Variants in CNOT2 observed in about 807,000 individuals in gnomAD.
CNOT2 encodes the protein CCR4-NOT transcription complex subunit 2, also known as CC chemokine receptor 4-negative regulator of transcription 2.
Under a neutral mutation model 72.1 loss-of-function variants are expected in CNOT2, and 7 were observed. The ratio of observed to expected loss-of-function variants is 0.10; its 90% confidence interval spans 0.06 to 0.18. The LOEUF (loss-of-function observed/expected upper bound fraction) is 0.18. Among genes scored for constraint, CNOT2 ranks in the 10% least tolerant of loss-of-function variants. The pLI, the probability that CNOT2 is intolerant of heterozygous loss-of-function variation, is 1.00. For synonymous variants in CNOT2, 196 were observed against 225.6 expected (o/e 0.87, Z 1.17); for missense variants, 345 against 660.3 (o/e 0.52, Z 5.23).
intron 15 of CNOT2, among the ~76,000 whole-genome samples, chr12:70,347,000 C>G (rs1741720014): frequency 6.6e-6 from 1 of 152,020 alleles, no homozygotes; most frequent in African/African-American, 2.4e-5. Context: ...TTATTCTCTA[C>G]ATGTGGAGAG....
At chr12:70,274,462 C>T (rs1441672984) in intron 1 of CNOT2, among the ~76,000 whole-genome samples, 1 of 152,012 alleles carries the variant, frequency 6.6e-6, no homozygotes, top group African/African-American at 2.4e-5. Context: ...GCTGGTTCAG[C>T]TGTCTTAACC....
intron 15 of CNOT2, among the ~76,000 whole-genome samples, chr12:70,350,052 A>G (rs186845774): frequency 1.3e-5 from 2 of 151,478 alleles, no homozygotes; most frequent in African/African-American, 2.4e-5. Flanking sequence ...TTCCTTTTAT[A>G]TACTCATTAA....
At chr12:70,275,218 A>G (rs923184374) in intron 1 of CNOT2, among the ~76,000 whole-genome samples, 2 of 152,008 alleles carry the variant, frequency 1.3e-5, no homozygotes, top group Admixed American at 6.5e-5. Flanking sequence ...ATTGTTTCTG[A>G]TGAGAAGTCT....
chr12:70,294,148 G>T, intron 2 of CNOT2: 1 of 1,289,328 alleles, frequency 7.8e-7, no homozygotes, highest in Non-Finnish European at 1.0e-6. Flanking sequence ...CAGAGCTATG[G>T]CGTCAACCCT....
At chr12:70,332,636 A>G in intron 6 of CNOT2, 131 bp from the exon 7 acceptor site, 1 of 1,231,126 alleles carries the variant, frequency 8.1e-7, no homozygotes, top group Non-Finnish European at 1.0e-6. Context: ...AGATTCAGAA[A>G]AATAATATTA....
chr12:70,306,517 T>A (rs1425445810), intron 2 of CNOT2, among the ~76,000 whole-genome samples: 2 of 152,188 alleles, frequency 1.3e-5, no homozygotes, highest in Non-Finnish European at 1.5e-5. Flanking sequence ...AGATTAAATG[T>A]CTTGATTAAA....
chr12:70,246,333 C>T (rs1489366268), intron 1 of CNOT2, among the ~76,000 whole-genome samples: 1 of 152,064 alleles, frequency 6.6e-6, no homozygotes, highest in African/African-American at 2.4e-5. Flanking sequence ...GGTTATTTTC[C>T]TGAGATTTCA....
intron 1 of CNOT2, among the ~76,000 whole-genome samples, chr12:70,263,902 T>C (rs1018738725): frequency 2.0e-5 from 3 of 152,194 alleles, no homozygotes; most frequent in Non-Finnish European, 2.9e-5. Context: ...CCGTGTGAAG[T>C]GCCTGATGTC....
chr12:70,301,536 T>G (rs543217351), intron 2 of CNOT2, among the ~76,000 whole-genome samples: 2,051 of 152,264 alleles, frequency 0.013, 46 homozygotes, highest in African/African-American at 0.046. Context: ...ATTGATTTTC[T>G]TATGTTGAAC....
chr12:70,294,955 TGA>T (rs546254969), intron 2 of CNOT2, among the ~76,000 whole-genome samples: 10 of 150,762 alleles, frequency 6.6e-5, no homozygotes, highest in Non-Finnish European at 7.4e-5. Flanking sequence ...TGTGTGTGTG[TGA>T]GAGAGAGAGA....
intron 2 of CNOT2, among the ~76,000 whole-genome samples, chr12:70,289,057 A>T (rs1219139749): frequency 4.9e-5 from 7 of 142,548 alleles, no homozygotes; most frequent in South Asian, 2.2e-4. Context: ...TTTCTTGCTC[A>T]CTTCTCTTCC....
chr12:70,277,110 A>G (rs535868783), intron 1 of CNOT2, among the ~76,000 whole-genome samples: 4 of 152,210 alleles, frequency 2.6e-5, no homozygotes, highest in South Asian at 4.1e-4. Context: ...ATGTTTGTTG[A>G]TATTAAATAA....
intron 11 of CNOT2, among the ~76,000 whole-genome samples, chr12:70,340,645 T>C (rs562089067): frequency 1.2e-4 from 18 of 152,184 alleles, no homozygotes; most frequent in African/African-American, 3.9e-4. Context: ...ATCAGGCTTT[T>C]CCCAAAATAT....
intron 4 of CNOT2, chr12:70,322,407 T>C (rs1262101773): frequency 6.6e-6 from 1 of 151,720 alleles, no homozygotes; most frequent in Non-Finnish European, 1.5e-5. Context: ...AGTCAAAGCA[T>C]TGGAATTAAG....
chr12:70,277,928 T>G (rs1347356717), intron 1 of CNOT2, among the ~76,000 whole-genome samples: 1 of 152,148 alleles, frequency 6.6e-6, no homozygotes, highest in Non-Finnish European at 1.5e-5. Flanking sequence ...TAGAAGTGGG[T>G]AGGAAGAATG....
chr12:70,293,818 G>A (rs1394771956), intron 2 of CNOT2, among the ~76,000 whole-genome samples: 2 of 147,890 alleles, frequency 1.4e-5, no homozygotes, highest in African/African-American at 4.9e-5. Context: ...TAGGCACAAA[G>A]TATTTGAACA....
chr12:70,262,177 CATT>C (rs1265947600), intron 1 of CNOT2, among the ~76,000 whole-genome samples: 1 of 151,946 alleles, frequency 6.6e-6, no homozygotes, highest in Admixed American at 6.6e-5. Context: ...AAGTATTTCT[CATT>C]TTTTTATTCT....
chr12:70,330,201 C>A lies in CNOT2; in HGVS notation c.387-86C>A, dbSNP rs12321864. On this transcript the variant is annotated intron_variant, in intron 5 of 15. Transcript: ENST00000229195. ...GCAATTTGAAAGTATATTTGAGATT[C>A]TAGGGTTGGACCAATTGATTATTTA... 4.6e-3 allele frequency: 2,752 copies of A among 597,208 alleles called. 64 individuals carry two copies. Among genetic ancestry groups the A allele is most frequent in the African/African-American group, 0.046 (2,403 of 52,748 alleles). The allele number at this position is 597,208 out of a possible 1,614,324, so 37.0% of individuals were successfully genotyped here.
chr12:70,283,710 C>CT (rs1439535587), intron 2 of CNOT2, among the ~76,000 whole-genome samples: 19 of 148,790 alleles, frequency 1.3e-4, no homozygotes, highest in Admixed American at 1.3e-3. Flanking sequence ...GTTTCCTCTT[C>CT]TTTGCTCTTG....
Sources: gnomAD v4.1 joint callset for allele counts (sites outside exome capture counted in the v4.1 genomes callset) on GRCh38, gnomAD v4.1.1 for gene constraint, MANE v1.5 for transcripts, NCBI Gene and HGNC (gene_info 2026-07-23, HGNC 2026-07-21) for gene names.